SDK1: variants seen among roughly 807,000 people sequenced by gnomAD.
SDK1 encodes the protein sidekick cell adhesion molecule 1.
Under a neutral mutation model 245.5 loss-of-function variants are expected in SDK1, and 157 were observed. The observed-to-expected ratio is 0.64, with a 90% CI of 0.56 to 0.73. The LOEUF is 0.73. SDK1 is among the 30% of genes least tolerant of loss of function. SDK1 has a pLI of 0.00. For missense variants in SDK1, 3,583 were observed against 3,002.3 expected (o/e 1.19, Z -4.52); for synonymous variants, 1,647 against 1,278.5 (o/e 1.29, Z -6.15).
At chr7:3,407,563 G>T (rs1779086407) in intron 1 of SDK1, among the ~76,000 whole-genome samples, 1 of 152,114 alleles carries the variant, frequency 6.6e-6, no homozygotes, top group Non-Finnish European at 1.5e-5. Context: ...GTTATCTAAG[G>T]GTGTGATACT....
intron 1 of SDK1, among the ~76,000 whole-genome samples, chr7:3,369,169 TTAG>T (rs1781162828): frequency 6.6e-6 from 1 of 152,116 alleles, no homozygotes; most frequent in Non-Finnish European, 1.5e-5. Context: ...CTCAGTTTCC[TTAG>T]TAGCTGGGAT....
At chr7:4,168,150 C>T (rs1009887339) in intron 32 of SDK1, among the ~76,000 whole-genome samples, 1 of 152,200 alleles carries the variant, frequency 6.6e-6, no homozygotes, top group Non-Finnish European at 1.5e-5. Flanking sequence ...GAAGATGACA[C>T]CTGCTAGCAG....
intron 13 of SDK1, 115 bp downstream of exon 13, chr7:3,974,660 T>A (rs1782764027): frequency 1.1e-6 from 1 of 948,690 alleles, no homozygotes. Context: ...AAGTCAGCGG[T>A]CAGAGGCCAG....
chr7:3,650,850 A>AC (rs1782992849), intron 4 of SDK1, among the ~76,000 whole-genome samples: 1 of 147,524 alleles, frequency 6.8e-6, no homozygotes, highest in South Asian at 2.2e-4. Flanking sequence ...TTAACTTAGT[A>AC]TAATTCCCTG....
At chr7:3,653,936 A>G (rs893024603) in intron 4 of SDK1, among the ~76,000 whole-genome samples, 1 of 152,178 alleles carries the variant, frequency 6.6e-6, no homozygotes, top group Non-Finnish European at 1.5e-5. Flanking sequence ...AATGAGCAAG[A>G]AAGTGGTTTG....
At chr7:3,337,579 T>G (rs1780236225) in intron 1 of SDK1, among the ~76,000 whole-genome samples, 1 of 152,198 alleles carries the variant, frequency 6.6e-6, no homozygotes. Context: ...CAAAGGAATC[T>G]GTGCCAAGAC....
chr7:3,604,510 T>C (rs928215478), intron 1 of SDK1, among the ~76,000 whole-genome samples: 2 of 152,108 alleles, frequency 1.3e-5, no homozygotes, highest in African/African-American at 4.8e-5. Flanking sequence ...CTCACACATA[T>C]TTTGATATGC....
intron 1 of SDK1, among the ~76,000 whole-genome samples, chr7:3,612,556 A>G (rs1781626258): frequency 6.6e-6 from 1 of 152,240 alleles, no homozygotes; most frequent in Admixed American, 6.5e-5. Flanking sequence ...GTTGTTCACA[A>G]ATGATACATT....
chr7:3,401,468 C>T (rs184535765), intron 1 of SDK1, among the ~76,000 whole-genome samples: 15 of 152,144 alleles, frequency 9.9e-5, no homozygotes, highest in Non-Finnish European at 1.8e-4. Context: ...TCAAATGGTA[C>T]TTGCCAAACT....
At chr7:3,385,191 GCCT>G (rs1781579998) in intron 1 of SDK1, among the ~76,000 whole-genome samples, 2 of 152,110 alleles carry the variant, frequency 1.3e-5, no homozygotes, top group Non-Finnish European at 2.9e-5. Context: ...CTTTTTCTGA[GCCT>G]CAGTTTTTCT....
chr7:3,444,819 A>C (rs940337517), intron 1 of SDK1, among the ~76,000 whole-genome samples: 1 of 152,220 alleles, frequency 6.6e-6, no homozygotes, highest in Non-Finnish European at 1.5e-5. Flanking sequence ...AATCTCCTGC[A>C]AATGTGATCC....
chr7:3,474,465 A>C (rs868140240), intron 1 of SDK1, among the ~76,000 whole-genome samples: 4 of 151,858 alleles, frequency 2.6e-5, no homozygotes, highest in East Asian at 1.9e-4. Context: ...CTCACCACTC[A>C]GTCTCTCCCT....
intron 5 of SDK1, among the ~76,000 whole-genome samples, chr7:3,834,043 C>G (rs1026810811): frequency 6.6e-6 from 1 of 152,146 alleles, no homozygotes; most frequent in Admixed American, 6.5e-5. Flanking sequence ...TAAGAGTAAA[C>G]TTATTATAGA....
At chr7:3,858,661 A>G (rs1487634464) in intron 5 of SDK1, among the ~76,000 whole-genome samples, 1 of 151,990 alleles carries the variant, frequency 6.6e-6, no homozygotes, top group Non-Finnish European at 1.5e-5. Context: ...CCATCCTTCT[A>G]GGAAGCACAA....
intron 1 of SDK1, among the ~76,000 whole-genome samples, chr7:3,402,243 G>A (rs1583805138): frequency 6.6e-6 from 1 of 152,294 alleles, no homozygotes; most frequent in East Asian, 1.9e-4. Context: ...TCTTAGGAAA[G>A]GCTTTAATGA....
At chr7:3,839,810 GT>G (rs889470676) in intron 5 of SDK1, among the ~76,000 whole-genome samples, 1 of 152,214 alleles carries the variant, frequency 6.6e-6, no homozygotes, top group East Asian at 1.9e-4. Flanking sequence ...AATCAAACCA[GT>G]TTTTTTAACA....
chr7:3,810,339 T>C (rs906685980), intron 4 of SDK1, among the ~76,000 whole-genome samples: 3 of 151,362 alleles, frequency 2.0e-5, no homozygotes, highest in African/African-American at 7.3e-5. Context: ...TCATGTTTCT[T>C]TTTTTTTTCC....
intron 5 of SDK1, among the ~76,000 whole-genome samples, chr7:3,881,511 C>T (rs1314831012): frequency 1.3e-5 from 2 of 152,184 alleles, no homozygotes; most frequent in Admixed American, 1.3e-4. Context: ...CATTGATGGA[C>T]ATTTGGGTTG....
intron 1 of SDK1, among the ~76,000 whole-genome samples, chr7:3,409,048 A>G (rs1779127586): frequency 6.6e-6 from 1 of 152,232 alleles, no homozygotes; most frequent in Non-Finnish European, 1.5e-5. Context: ...AAACATAAGA[A>G]TGGCATAACT....
Sources: allele counts gnomAD v4.1 joint callset (sites outside exome capture counted in the v4.1 genomes callset), GRCh38; gene constraint gnomAD v4.1.1; transcripts MANE v1.5; gene names NCBI Gene and HGNC (gene_info 2026-07-23, HGNC 2026-07-21).